Variants in ASCC3 observed in about 807,000 individuals in gnomAD.
ASCC3 encodes the protein activating signal cointegrator 1 complex subunit 3.
Under a neutral mutation model 256.3 loss-of-function variants are expected in ASCC3, and 158 were observed. The ratio of observed to expected loss-of-function variants is 0.62; its 90% CI spans 0.54 to 0.70. The LOEUF (loss-of-function observed/expected upper bound fraction) is 0.70, where lower values mean the gene tolerates loss of function less well. ASCC3 is among the 30% of genes least tolerant of loss of function. The probability of loss-of-function intolerance (pLI) is 0.00; values close to 1 mark genes in which losing one functional copy is unlikely to be tolerated. For synonymous variants in ASCC3, 948 were observed against 883.4 expected (o/e 1.07, Z -1.30); for missense variants, 2,259 against 2,626.0 (o/e 0.86, Z 3.05).
At chr6:100,613,860 A>G (rs1773530948) in intron 30 of ASCC3, among the ~76,000 whole-genome samples, 1 of 152,124 alleles carries the variant, frequency 6.6e-6, no homozygotes, top group Non-Finnish European at 1.5e-5. Context: ...TGACTGGGGT[A>G]AAATAATATC....
rs112437490 is a variant in ASCC3 at position 100,576,901 on chromosome 6, G to A, written c.5550+12733C>T. On this transcript the variant is annotated intron_variant, in intron 36 of 41. Transcript: ENST00000369162. ...TAAAAATAGCAGTCTCAAAAGAGAT[G>A]TCACAGGAGAAAAAAAAAATGAGTG... 5.5e-3 allele frequency among the ~76,000 whole-genome samples: 828 copies of A among 151,310 alleles called. 5 individuals carry two copies. Among genetic ancestry groups the A allele is most frequent in the South Asian group, 0.022 (107 of 4,784 alleles).
intron 10 of ASCC3, among the ~76,000 whole-genome samples, chr6:100,733,366 A>T (rs957679975): frequency 6.6e-6 from 1 of 152,126 alleles, no homozygotes; most frequent in Non-Finnish European, 1.5e-5. Flanking sequence ...TCATGACGTC[A>T]GATCCCTTAT....
At chr6:100,753,968 A>C (rs1781060296) in intron 10 of ASCC3, among the ~76,000 whole-genome samples, 1 of 152,152 alleles carries the variant, frequency 6.6e-6, no homozygotes, top group Non-Finnish European at 1.5e-5. Flanking sequence ...AGTGTTTTAC[A>C]GAAGACCTAA....
intron 27 of ASCC3, among the ~76,000 whole-genome samples, chr6:100,628,492 G>T (rs1449509398): frequency 5.9e-5 from 9 of 152,090 alleles, no homozygotes; most frequent in Non-Finnish European, 1.3e-4. Flanking sequence ...CTCCTAAATG[G>T]CTTAGCACCA....
intron 4 of ASCC3, among the ~76,000 whole-genome samples, chr6:100,823,646 A>T (rs1165750268): frequency 6.6e-6 from 1 of 152,188 alleles, no homozygotes; most frequent in Non-Finnish European, 1.5e-5. Flanking sequence ...TTAAAATTAA[A>T]TTTTTTAAGT....
At chr6:100,774,643 G>C (rs1782103217) in intron 8 of ASCC3, among the ~76,000 whole-genome samples, 1 of 152,116 alleles carries the variant, frequency 6.6e-6, no homozygotes, top group South Asian at 2.1e-4. Context: ...GGGATTACAG[G>C]CGTGAGCCAC....
chr6:100,780,484 A>G (rs990785219), intron 8 of ASCC3, among the ~76,000 whole-genome samples: 1 of 152,142 alleles, frequency 6.6e-6, no homozygotes, highest in Non-Finnish European at 1.5e-5. Flanking sequence ...TCATGCCAGC[A>G]ATCTCACAAC....
At chr6:100,776,772 T>C (rs1782211283) in intron 8 of ASCC3, among the ~76,000 whole-genome samples, 1 of 152,080 alleles carries the variant, frequency 6.6e-6, no homozygotes, top group African/African-American at 2.4e-5. Context: ...AAGCATTAAC[T>C]AAGTATCTAG....
At chr6:100,527,231 A>T (rs930937046) in intron 37 of ASCC3, among the ~76,000 whole-genome samples, 9 of 152,198 alleles carry the variant, frequency 5.9e-5, no homozygotes, top group African/African-American at 2.2e-4. Flanking sequence ...TTATTTACTT[A>T]TAATCTACCC....
intron 35 of ASCC3, 50 bp downstream of exon 35, chr6:100,589,898 C>A: frequency 6.3e-7 from 1 of 1,594,854 alleles, no homozygotes; most frequent in South Asian, 1.1e-5. Context: ...AAAGACCTGT[C>A]AAAAAGCTGG....
chr6:100,843,734 A>G (rs1772258098), intron 4 of ASCC3, among the ~76,000 whole-genome samples: 1 of 152,150 alleles, frequency 6.6e-6, no homozygotes, highest in African/African-American at 2.4e-5. Flanking sequence ...GTAGTCAGAC[A>G]TTAAAAAGCC....
In ASCC3 at chr6:100,625,283, C is replaced by T. The variant is rs1400080911; in HGVS notation, c.4694G>A (p.Arg1565Lys). 1 of 1,612,912 alleles carries T rather than the reference C, an allele frequency of 6.2e-7. No individual in the cohort carries two copies. Among genetic ancestry groups the T allele is most frequent in the Non-Finnish European group, 8.5e-7 (1 of 1,179,192 alleles). ...AKPVLIFVSS[R>K]RQTRLTALEL... ...CAAAGCAGTAAGACGAGTTTGACGT[C>T]TTGATGAGACAAATATCAAAACAGG... The change falls in exon 30 of 42, where the codon AGA becomes AAA. Residue 1565 changes from arginine to lysine, a missense_variant. Around this residue, in one of 2 missense-constraint regions of ASCC3, gnomAD observed 1,839 missense variants for 2,206.7 expected, o/e 0.83. Coordinates refer to ENST00000369162, the MANE Select transcript of ASCC3 (RefSeq NM_006828.4).
intron 6 of ASCC3, among the ~76,000 whole-genome samples, chr6:100,799,943 A>C (rs1426312269): frequency 2.0e-5 from 3 of 152,130 alleles, no homozygotes; most frequent in Non-Finnish European, 2.9e-5. Context: ...TCTACTTCTA[A>C]ATAACAACAA....
chr6:100,745,800 C>T lies in ASCC3; in HGVS notation c.1738-20097G>A, dbSNP rs118065054. On this transcript the variant is annotated intron_variant, in intron 10 of 41. Coordinates refer to ENST00000369162, the MANE Select transcript of ASCC3 (RefSeq NM_006828.4). ...CTAGTGGCTACTGTATTGAGCAGTA[C>T]TGCTCTATTTCCTAGTTTAATAAAT... is the stretch of plus-strand genomic sequence containing the variant. 1.8e-4 allele frequency among the ~76,000 whole-genome samples: 28 copies of T among 152,178 alleles called. No individual in the cohort carries two copies. In the East Asian group the frequency reaches 5.0e-3, roughly 27 times the overall value.
intron 18 of ASCC3, 147 bp from the exon 19 acceptor site, chr6:100,651,793 C>T (rs1021220713): frequency 6.5e-6 from 2 of 306,122 alleles, no homozygotes; most frequent in Non-Finnish European, 1.2e-5. Flanking sequence ...TTTAAAGTCA[C>T]TGCTTTATAA....
At chr6:100,646,117 T>C (rs239240) in intron 22 of ASCC3, among the ~76,000 whole-genome samples, 3,610 of 152,116 alleles carry the variant, frequency 0.024, 146 homozygotes, top group African/African-American at 0.082. Context: ...AAAATGAAGA[T>C]AACATAGAGA....
At chr6:100,581,497 G>A (rs1431759123) in intron 36 of ASCC3, among the ~76,000 whole-genome samples, 2 of 152,046 alleles carry the variant, frequency 1.3e-5, no homozygotes, top group African/African-American at 2.4e-5. Flanking sequence ...TTTGTCAGAT[G>A]AGTAGGTTGC....
intron 34 of ASCC3, among the ~76,000 whole-genome samples, chr6:100,597,387 T>A (rs1472110660): frequency 1.3e-5 from 2 of 152,162 alleles, no homozygotes; most frequent in Admixed American, 1.3e-4. Context: ...AATAAAAAAA[T>A]TAATTTTTAA....
chr6:100,740,917 C>G (rs895218814), intron 10 of ASCC3, among the ~76,000 whole-genome samples: 1 of 152,162 alleles, frequency 6.6e-6, no homozygotes, highest in Non-Finnish European at 1.5e-5. Flanking sequence ...AATATTGTTA[C>G]ACATTAATTT....
Sources: allele counts gnomAD v4.1 joint callset (sites outside exome capture counted in the v4.1 genomes callset), GRCh38; gene constraint gnomAD v4.1.1; regional missense constraint gnomAD v4.1.1; transcripts MANE v1.5; gene names NCBI Gene and HGNC (gene_info 2026-07-23, HGNC 2026-07-21).